STRA6: variants seen among roughly 807,000 people sequenced by gnomAD.
STRA6 encodes receptor for retinol uptake STRA6.
A neutral mutation model predicts 83.6 loss-of-function variants in STRA6; 48 were observed. That is an observed-to-expected ratio of 0.57 (90% CI 0.46 to 0.73). STRA6 has a LOEUF of 0.73. STRA6 is among the 30% of genes least tolerant of loss of function. STRA6 has a pLI of 0.00. For missense variants in STRA6, 760 were observed against 838.8 expected (o/e 0.91, Z 1.16); for synonymous variants, 353 against 362.3 (o/e 0.97, Z 0.29).
chr15:74,183,914 G>A lies in STRA6; in HGVS notation c.1242C>T (p.Arg414=), dbSNP rs568924861. The A allele has an allele frequency of 6.9e-5, 112 of 1,614,066 alleles. No individual in the cohort carries two copies. Among genetic ancestry groups the A allele is most frequent in the East Asian group, 1.8e-4 (8 of 44,880 alleles). Residue 414 remains arginine, a synonymous_variant, in exon 14 of 19, where the codon CGC becomes CGT. Coordinates refer to ENST00000395105, the MANE Select transcript of STRA6 (RefSeq NM_022369.4). ...AGCTCATCCAACAGAATATGGCTTG[G>A]CGGGAGGGATGGGGACTCCGATGCA... The part of the protein sequence containing the change: ...SPLHRSPHPS[R]QAIFCWMSFS...
chr15:74,191,327 C>T (rs1265541829), intron 9 of STRA6, 84 bp from the exon 10 acceptor site: 48 of 1,608,474 alleles, frequency 3.0e-5, no homozygotes, highest in Non-Finnish European at 3.8e-5. Context: ...TCATTCTTCC[C>T]CTCTGCCCCT....
intron 12 of STRA6, 66 bp downstream of exon 12, chr15:74,189,049 A>G: frequency 6.3e-7 from 1 of 1,593,536 alleles, no homozygotes; most frequent in South Asian, 1.1e-5. Flanking sequence ...TGACTAGGGC[A>G]TAGACCTTGG....
chr15:74,193,945 AGACT>A (rs763772057), intron 7 of STRA6, 23 bp from the exon 8 acceptor site: 1 of 1,611,596 alleles, frequency 6.2e-7, no homozygotes, highest in Admixed American at 1.7e-5. Flanking sequence ...ACACCCAGAC[AGACT>A]ACTTTCCACC....
At chr15:74,209,229 C>T (rs2074330086), upstream of STRA6, 4 of 1,128,024 alleles carry the variant, frequency 3.5e-6, no homozygotes, top group Non-Finnish European at 2.5e-6. Flanking sequence ...CTCCACACCC[C>T]CAAACCGTTT....
Position 74,202,227 on chromosome 15 carries a change from G to A in STRA6, c.41C>T (p.Ala14Val). The A allele has an allele frequency of 6.5e-7, 1 of 1,536,658 alleles. No individual in the cohort carries two copies. Among genetic ancestry groups the A allele is most frequent in the Non-Finnish European group, 8.7e-7 (1 of 1,147,410 alleles). ...QPAGNQTSPG[A>V]TEDYSYGSWY... ...GCTGCCATAGGAGTAGTCCTCTGTG[G>A]CCCCGGGGGAGGTCTGGTTCCCTGC... Residue 14 changes from alanine to valine, a missense_variant, in exon 2 of 19, where the codon GCC becomes GTC. Physicochemically the swap from Ala to Val is moderately conservative, Grantham distance 64. Coordinates refer to ENST00000395105, the MANE Select transcript of STRA6 (RefSeq NM_022369.4).
chr15:74,199,114 G>T (rs949107297), intron 2 of STRA6, among the ~76,000 whole-genome samples: 1 of 152,206 alleles, frequency 6.6e-6, no homozygotes, highest in Non-Finnish European at 1.5e-5. Context: ...ATGGAGCCTG[G>T]GCTGCCGCCA....
At chr15:74,185,150 T>C (rs550915432) in intron 12 of STRA6, 95 bp from the exon 13 acceptor site, 25 of 1,241,536 alleles carry the variant, frequency 2.0e-5, no homozygotes, top group Non-Finnish European at 2.7e-5. Context: ...TTGTGGGGAG[T>C]TCCCCCTGCC....
chr15:74,180,843 G>A lies in STRA6; in HGVS notation c.1779C>T (p.Ser593=), dbSNP rs780418882. The A allele has an allele frequency of 1.2e-6, 2 of 1,614,122 alleles. No homozygotes were observed. Among genetic ancestry groups the A allele is most frequent in the Non-Finnish European group, 1.7e-6 (2 of 1,179,988 alleles). Residue 593 remains serine, a synonymous_variant, in exon 18 of 19, where the codon AGC becomes AGT. Coordinates refer to ENST00000395105, the MANE Select transcript of STRA6 (RefSeq NM_022369.4). ...AFCSLLLQAQ[S]LLPRTMAAPQ... ...GGGCTGCCATGGTCCTGGGTAGGAG[G>A]CTCTGCGCTTGCAGGAGCAGGGAGC...
intron 1 of STRA6, chr15:74,208,182 G>T: frequency 2.2e-6 from 1 of 449,102 alleles, no homozygotes; most frequent in Non-Finnish European, 3.1e-6. Context: ...CTGACCTGGA[G>T]GAGGGAGGCA....
intron 1 of STRA6, chr15:74,207,886 G>A (rs1595870171): frequency 3.3e-6 from 5 of 1,504,174 alleles, no homozygotes; most frequent in Non-Finnish European, 4.4e-6. Context: ...TGGGCTGGAA[G>A]GCAGTGTCGT....
upstream of STRA6, chr15:74,203,199 A>G (rs926579172): frequency 2.0e-6 from 2 of 976,408 alleles, no homozygotes; most frequent in African/African-American, 3.5e-5. Context: ...CATGTGTCTC[A>G]TTGGTAAACC....
chr15:74,195,497 A>G (rs1193095990), intron 6 of STRA6, 29 bp from the exon 7 acceptor site: 1 of 1,610,626 alleles, frequency 6.2e-7, no homozygotes, highest in South Asian at 1.1e-5. Context: ...AGAGAGACCC[A>G]TGCTGGAGGG....
At chr15:74,194,942 C>G in intron 7 of STRA6, 1 of 1,425,524 alleles carries the variant, frequency 7.0e-7, no homozygotes. Flanking sequence ...CGGCCTCCAT[C>G]AAGCTTCACT....
At chr15:74,185,330 T>C (rs755690011) in intron 12 of STRA6, among the ~76,000 whole-genome samples, 10 of 152,356 alleles carry the variant, frequency 6.6e-5, no homozygotes, top group Non-Finnish European at 7.3e-5. Flanking sequence ...GCTGCTTCTA[T>C]TGCTGTGGGA....
chr15:74,182,344 A>T lies in STRA6; in HGVS notation c.1417T>A (p.Trp473Arg). 6.2e-7 allele frequency: 1 copy of T among 1,614,118 alleles called. No individual in the cohort carries two copies. The highest frequency in any genetic ancestry group is 8.5e-7 in the Non-Finnish European group (1 of 1,179,998). ...LLLFRSLESS[W>R]PFWLTLALAV... Reference sequence around the variant, plus strand: ...CCCTCCATGTCTTGTTTCACTCACCACGAGGACTCCAGGGAACGGAAGAGC... The same window carrying T: ...CCCTCCATGTCTTGTTTCACTCACCTCGAGGACTCCAGGGAACGGAAGAGC... The change falls in exon 15 of 19, where the codon TGG becomes AGG. Residue 473 changes from tryptophan (W) to arginine (R), a missense_variant and splice_region_variant. By Grantham distance (101) the Trp-to-Arg change is moderately radical (BLOSUM62 -3). Transcript: ENST00000395105.
At chr15:74,208,158 G>A in intron 1 of STRA6, 1 of 767,924 alleles carries the variant, frequency 1.3e-6, no homozygotes. Flanking sequence ...CCCTCCCAGA[G>A]GGCTAGGCTA....
rs76890765 is a variant in STRA6, at chr15:74,181,275, G to C, written c.1684+20C>G. On this transcript the variant is annotated intron_variant, in intron 17 of 18. Transcript: ENST00000395105. ...CTTGGGTAGCCTGAGCAATCCTCCAGCCCCGCCCAGTGACCTTACCGGGGT... is the reference window on the plus strand; with the variant it reads ...CTTGGGTAGCCTGAGCAATCCTCCACCCCCGCCCAGTGACCTTACCGGGGT... 172 of 1,612,038 alleles carry C rather than the reference G, an allele frequency of 1.1e-4. No homozygotes were observed. In the East Asian group the frequency reaches 3.3e-3, roughly 31 times the overall value.
rs756703290 is a variant in STRA6, at chr15:74,180,834, G to C, written c.1788C>G (p.Pro596=). 6.2e-7 allele frequency: 1 copy of C among 1,614,052 alleles called. No homozygotes were observed. The highest frequency in any genetic ancestry group is 8.5e-7 in the Non-Finnish European group (1 of 1,179,958). Residue 596 remains proline (P), a synonymous_variant, in exon 18 of 19, where the codon CCC becomes CCG. Coordinates refer to ENST00000395105, the MANE Select transcript of STRA6 (RefSeq NM_022369.4). Reference sequence around the variant, plus strand: ...TGTCCTGGGGGGCTGCCATGGTCCTGGGTAGGAGGCTCTGCGCTTGCAGGA... The same window carrying C: ...TGTCCTGGGGGGCTGCCATGGTCCTCGGTAGGAGGCTCTGCGCTTGCAGGA... The part of the protein sequence containing the change: ...SLLLQAQSLL[P]RTMAAPQDSL...
chr15:74,207,782 C>A, upstream of STRA6: 1 of 1,535,702 alleles, frequency 6.5e-7, no homozygotes, highest in Non-Finnish European at 8.7e-7. Flanking sequence ...GGGGTGTGCC[C>A]TCAGTGGCAC....
Sources: gnomAD v4.1 joint callset for allele counts (sites outside exome capture counted in the v4.1 genomes callset) on GRCh38, gnomAD v4.1.1 for gene constraint, MANE v1.5 for transcripts, NCBI Gene and HGNC (gene_info 2026-07-23, HGNC 2026-07-21) for gene names.